The following GRID2 variants were observed in gnomAD, a reference collection of about 807,000 sequenced individuals.
The protein encoded by GRID2 is glutamate ionotropic receptor delta type subunit 2, also known as glutamate receptor ionotropic, delta-2.
Under a neutral mutation model 114.8 loss-of-function variants are expected in GRID2, and 33 were observed. The ratio of observed to expected loss-of-function variants is 0.29; its 90% CI spans 0.22 to 0.38. The LOEUF (loss-of-function observed/expected upper bound fraction) is 0.38. GRID2 is among the 10% of genes least tolerant of loss of function. The pLI is 1.00. For missense variants in GRID2, 1,184 were observed against 1,257.7 expected, an observed-to-expected ratio of 0.94 and a Z score of 0.89; for synonymous variants, 505 against 449.9, an observed-to-expected ratio of 1.12 and a Z score of -1.55.
At chr4:92,524,941 C>T (rs1278876807) in intron 1 of GRID2, among the ~76,000 whole-genome samples, 1 of 151,908 alleles carries the variant, frequency 6.6e-6, no homozygotes, top group Admixed American at 6.6e-5. Flanking sequence ...GGAATATAAA[C>T]CCTTGGTTTT....
At chr4:93,713,756 T>C (rs1728681161) in intron 14 of GRID2, among the ~76,000 whole-genome samples, 1 of 152,144 alleles carries the variant, frequency 6.6e-6, no homozygotes, top group Non-Finnish European at 1.5e-5. Flanking sequence ...GTGAATGTCC[T>C]AATTTACTAG....
intron 2 of GRID2, among the ~76,000 whole-genome samples, chr4:92,915,983 C>T (rs889732449): frequency 1.5e-4 from 23 of 152,024 alleles, no homozygotes; most frequent in Non-Finnish European, 2.9e-4. Context: ...TTATCAGATG[C>T]ATACTTTGCA....
intron 1 of GRID2, among the ~76,000 whole-genome samples, chr4:92,498,179 T>C (rs1450655973): frequency 6.6e-6 from 1 of 151,892 alleles, no homozygotes; most frequent in Non-Finnish European, 1.5e-5. Context: ...ATAAATGTTG[T>C]AGTTGTTGTT....
chr4:92,734,299 T>G (rs1171968826), intron 2 of GRID2, among the ~76,000 whole-genome samples: 3 of 152,074 alleles, frequency 2.0e-5, no homozygotes, highest in Non-Finnish European at 4.4e-5. Context: ...ACTTTACTTT[T>G]TTTTTAAGAT....
chr4:93,656,210 C>T (rs1356597760), intron 14 of GRID2, among the ~76,000 whole-genome samples: 1 of 151,630 alleles, frequency 6.6e-6, no homozygotes, highest in Non-Finnish European at 1.5e-5. Context: ...AGTCAGTAGT[C>T]ATTCTACTAA....
chr4:92,665,556 G>T (rs1732729343), intron 2 of GRID2, among the ~76,000 whole-genome samples: 1 of 150,914 alleles, frequency 6.6e-6, no homozygotes, highest in Non-Finnish European at 1.5e-5. Context: ...CTACCATCTA[G>T]CATCCTTCAT....
intron 2 of GRID2, among the ~76,000 whole-genome samples, chr4:93,021,652 A>C: frequency 6.9e-6 from 1 of 145,088 alleles, no homozygotes; most frequent in South Asian, 2.1e-4. Context: ...AAATATAATT[A>C]TTTATAATAT....
intron 2 of GRID2, among the ~76,000 whole-genome samples, chr4:92,600,873 G>T (rs1368677473): frequency 6.6e-6 from 1 of 152,242 alleles, no homozygotes; most frequent in African/African-American, 2.4e-5. Context: ...GGCATAAGAT[G>T]CAGGACCTCT....
chr4:93,389,900 C>T (rs1033950839), intron 8 of GRID2, among the ~76,000 whole-genome samples: 3 of 152,022 alleles, frequency 2.0e-5, no homozygotes, highest in South Asian at 2.1e-4. Flanking sequence ...GCAATTCTCC[C>T]GCCTCAGCCC....
intron 9 of GRID2, among the ~76,000 whole-genome samples, chr4:93,402,358 A>G (rs1320146459): frequency 6.6e-6 from 1 of 152,300 alleles, no homozygotes; most frequent in Non-Finnish European, 1.5e-5. Context: ...ACCAATCACA[A>G]AGGGTTACTA....
intron 2 of GRID2, among the ~76,000 whole-genome samples, chr4:92,670,890 C>T (rs1184791664): frequency 6.6e-6 from 1 of 152,060 alleles, no homozygotes; most frequent in Non-Finnish European, 1.5e-5. Flanking sequence ...CTGTCAATTA[C>T]TGTACTTTAA....
chr4:92,631,150 T>A (rs991493749), intron 2 of GRID2, among the ~76,000 whole-genome samples: 2 of 152,110 alleles, frequency 1.3e-5, no homozygotes, highest in Non-Finnish European at 2.9e-5. Context: ...GCTCTCAAAG[T>A]CAACATAATA....
chr4:93,549,000 T>C (rs893871037), intron 13 of GRID2, among the ~76,000 whole-genome samples: 4 of 152,162 alleles, frequency 2.6e-5, no homozygotes, highest in Non-Finnish European at 5.9e-5. Context: ...TAAGTTAATA[T>C]AAATATGAAA....
At chr4:92,810,203 TAC>T (rs776578916) in intron 2 of GRID2, among the ~76,000 whole-genome samples, 4 of 151,952 alleles carry the variant, frequency 2.6e-5, no homozygotes, top group Admixed American at 2.6e-4. Flanking sequence ...TTCATTCAGT[TAC>T]AGTTTCTAAT....
chr4:93,533,756 G>A (rs569339704), intron 13 of GRID2, among the ~76,000 whole-genome samples: 2 of 151,742 alleles, frequency 1.3e-5, no homozygotes, highest in African/African-American at 2.4e-5. Flanking sequence ...CCTGGTCCAA[G>A]CCATCACTGT....
At chr4:93,510,369 T>C (rs1410839541) in intron 12 of GRID2, among the ~76,000 whole-genome samples, 1 of 152,126 alleles carries the variant, frequency 6.6e-6, no homozygotes. Flanking sequence ...TTATTTAAGT[T>C]TTATGTGGAT....
Position 93,200,187 on chromosome 4 carries a change from T to C in GRID2, c.736-7217T>C, listed in dbSNP as rs10011539. On this transcript the variant is annotated intron_variant, in intron 4 of 15. Transcript: ENST00000282020. ...ATACTCCCTTTTGTTGGAGAGAACA[T>C]TGTGGTTTTATTTTGTCTATTTTGT... Among the ~76,000 whole-genome samples the C allele has an allele frequency of 5.0e-4, 76 of 152,304 alleles. 1 individual carries two copies. Among genetic ancestry groups the C allele is most frequent in the African/African-American group, 1.8e-3 (73 of 41,566 alleles).
chr4:92,689,889 A>C (rs1560534290), intron 2 of GRID2, among the ~76,000 whole-genome samples: 1 of 152,104 alleles, frequency 6.6e-6, no homozygotes, highest in Non-Finnish European at 1.5e-5. Context: ...TACCTCACTC[A>C]GCCTTCACGT....
At chr4:93,227,633 T>A (rs1012056103) in intron 7 of GRID2, among the ~76,000 whole-genome samples, 1 of 152,234 alleles carries the variant, frequency 6.6e-6, no homozygotes, top group African/African-American at 2.4e-5. Flanking sequence ...TTTATTTTTC[T>A]CACATCTTAT....
Sources: gnomAD v4.1 joint callset for allele counts (sites outside exome capture counted in the v4.1 genomes callset) on GRCh38, gnomAD v4.1.1 for gene constraint, MANE v1.5 for transcripts, NCBI Gene and HGNC (gene_info 2026-07-23, HGNC 2026-07-21) for gene names.